PIGB: variants seen among roughly 807,000 people sequenced by gnomAD.
PIGB encodes the protein phosphatidylinositol glycan anchor biosynthesis class B, also known as GPI alpha-1,2-mannosyltransferase 3.
In PIGB, 58 loss-of-function variants were observed where a neutral mutation model predicts 68.4. The ratio of observed to expected loss-of-function variants is 0.85; its 90% confidence interval spans 0.69 to 1.06. The LOEUF (loss-of-function observed/expected upper bound fraction) is 1.06. PIGB is among the 50% of genes least tolerant of loss of function. The probability of loss-of-function intolerance (pLI) is 0.00; values close to 1 mark genes in which losing one functional copy is unlikely to be tolerated. For synonymous variants in PIGB, 219 were observed against 220.5 expected, an observed-to-expected ratio of 0.99 and a Z score of 0.06; for missense variants, 634 against 655.8, an observed-to-expected ratio of 0.97 and a Z score of 0.36.
At chr15:55,345,478 C>T (rs937642013) in intron 9 of PIGB, among the ~76,000 whole-genome samples, 3 of 152,118 alleles carry the variant, frequency 2.0e-5, no homozygotes. Flanking sequence ...TTCTTCCTGG[C>T]CAGCTGCCAG....
At chr15:55,331,191 G>A (rs1488349082) in intron 5 of PIGB, among the ~76,000 whole-genome samples, 3 of 152,052 alleles carry the variant, frequency 2.0e-5, no homozygotes, top group African/African-American at 7.2e-5. Flanking sequence ...TGAGAGAATC[G>A]AATTAGGTCC....
rs562468301 is a variant in PIGB at position 55,321,972 on chromosome 15, C to G, written c.417+582C>G. 1.5e-3 allele frequency among the ~76,000 whole-genome samples: 218 copies of G among 148,126 alleles called. 1 individual carries two copies. The highest frequency in any genetic ancestry group is 5.2e-3 in the African/African-American group (211 of 40,558). Reference sequence around the variant, plus strand: ...GGCGGATCACCTGAGGTTGGGAGTTCGAGACCAGCCTGACCAACACAGAGA... The same window carrying G: ...GGCGGATCACCTGAGGTTGGGAGTTGGAGACCAGCCTGACCAACACAGAGA... On this transcript the variant is annotated intron_variant, in intron 3 of 11. Coordinates refer to ENST00000164305, the MANE Select transcript of PIGB (RefSeq NM_004855.5).
At chr15:55,344,739 A>G (rs2055750347) in intron 9 of PIGB, among the ~76,000 whole-genome samples, 1 of 152,164 alleles carries the variant, frequency 6.6e-6, no homozygotes. Context: ...AGCAACACTA[A>G]TTAAATTCTT....
Position 55,320,370 on chromosome 15 carries a change from T to A in PIGB, c.259T>A (p.Tyr87Asn), listed in dbSNP as rs778276543. ...LVQTSFVPDE[Y>N]WQSLEVSHHM... ...GCAGACAAGTTTTGTTCCAGATGAA[T>A]ACTGGCAGTCTCTTGAAGTTTCACA... is the stretch of plus-strand genomic sequence containing the variant. Residue 87 changes from tyrosine (Y) to asparagine (N), a missense_variant, in exon 2 of 12, where the codon TAC (tyrosine) becomes AAC (asparagine). By Grantham distance (143) the Tyr-to-Asn change is moderately radical (BLOSUM62 -2). Coordinates refer to ENST00000164305, the MANE Select transcript of PIGB (RefSeq NM_004855.5). The A allele has an allele frequency of 6.2e-7, 1 of 1,613,690 alleles. No homozygotes were observed. The highest frequency in any genetic ancestry group is 8.5e-7 in the Non-Finnish European group (1 of 1,179,654).
At chr15:55,346,174 A>C (rs1027275963) in intron 9 of PIGB, among the ~76,000 whole-genome samples, 3 of 152,238 alleles carry the variant, frequency 2.0e-5, no homozygotes, top group Admixed American at 1.3e-4. Flanking sequence ...TAAAGTGTGT[A>C]TATCAAGCTA....
intron 5 of PIGB, among the ~76,000 whole-genome samples, chr15:55,330,499 G>A (rs576807300): frequency 3.6e-4 from 55 of 152,214 alleles, no homozygotes; most frequent in African/African-American, 1.2e-3. Flanking sequence ...TGAAGGCATA[G>A]AACTGTAAAT....
intron 4 of PIGB, 78 bp downstream of exon 4, chr15:55,327,713 C>T (rs943885576): frequency 7.4e-6 from 6 of 808,182 alleles, no homozygotes; most frequent in Non-Finnish European, 1.0e-5. Flanking sequence ...AACATTGATT[C>T]CCAAAACAAT....
intron 3 of PIGB, 74 bp downstream of exon 3, chr15:55,321,464 G>A (rs1319324899): frequency 1.6e-6 from 2 of 1,272,106 alleles, no homozygotes; most frequent in Admixed American, 2.4e-5. Flanking sequence ...TGTTGCTGAA[G>A]TCCAGCCATA....
intron 9 of PIGB, among the ~76,000 whole-genome samples, chr15:55,347,292 G>A (rs985404161): frequency 4.6e-5 from 7 of 152,264 alleles, no homozygotes; most frequent in East Asian, 3.9e-4. Context: ...CGGGCATGGC[G>A]GCAGGCACCT....
intron 6 of PIGB, among the ~76,000 whole-genome samples, chr15:55,335,887 C>T (rs1428203730): frequency 6.6e-6 from 1 of 152,104 alleles, no homozygotes; most frequent in Non-Finnish European, 1.5e-5. Flanking sequence ...TCGGCTTTAC[C>T]ACTGAGGGAG....
intron 9 of PIGB, chr15:55,343,511 T>TC (rs1433928097): frequency 2.0e-5 from 3 of 152,254 alleles, no homozygotes; most frequent in African/African-American, 7.2e-5. Flanking sequence ...ACCAGATTTT[T>TC]CCAGCATTCC....
At chr15:55,338,168 T>C (rs1260516822) in intron 6 of PIGB, among the ~76,000 whole-genome samples, 3 of 152,188 alleles carry the variant, frequency 2.0e-5, no homozygotes, top group African/African-American at 7.2e-5. Flanking sequence ...TCATAGCGTA[T>C]TTTTCTGTAT....
At position 55,354,982 on chromosome 15, in the gene PIGB, A is replaced by T. The variant is rs749853294; in HGVS notation, c.1518+4A>T. On this transcript the variant is annotated splice_donor_region_variant and intron_variant, in intron 11 of 11. Coordinates refer to ENST00000164305, the MANE Select transcript of PIGB (RefSeq NM_004855.5). ...CACCTTCAGCATTTTGGAAGAGGTA[A>T]GTAAACATGAAAAAGAGGAAAACTC... 6.2e-7 allele frequency: 1 copy of T among 1,603,100 alleles called. No individual in the cohort carries two copies. Among genetic ancestry groups the T allele is most frequent in the Non-Finnish European group, 8.5e-7 (1 of 1,175,058 alleles).
intron 5 of PIGB, among the ~76,000 whole-genome samples, chr15:55,330,347 G>C (rs552218036): frequency 1.3e-5 from 2 of 152,350 alleles, no homozygotes; most frequent in South Asian, 4.1e-4. Flanking sequence ...CACTGATGCT[G>C]TCCATTCAGG....
chr15:55,327,448 G>C, intron 3 of PIGB, 83 bp from the exon 4 acceptor site: 1 of 850,692 alleles, frequency 1.2e-6, no homozygotes, highest in Non-Finnish European at 1.9e-6. Flanking sequence ...TAGATAGTTG[G>C]ATCAGCTTGT....
At chr15:55,342,464 C>T (rs1477373725) in intron 9 of PIGB, among the ~76,000 whole-genome samples, 1 of 152,186 alleles carries the variant, frequency 6.6e-6, no homozygotes, top group Non-Finnish European at 1.5e-5. Flanking sequence ...GATCTTGGCT[C>T]ACTGCAACCT....
At chr15:55,328,637 CA>C (rs1192961117) in intron 4 of PIGB, among the ~76,000 whole-genome samples, 1 of 152,128 alleles carries the variant, frequency 6.6e-6, no homozygotes, top group East Asian at 1.9e-4. Context: ...AAATGGTAGG[CA>C]AAAGTCATGA....
intron 9 of PIGB, chr15:55,350,153 T>A (rs1177927912): frequency 6.6e-6 from 1 of 152,108 alleles, no homozygotes; most frequent in Non-Finnish European, 1.5e-5. Context: ...GGAAAAAAAA[T>A]GTAAGACATA....
chr15:55,324,484 C>T (rs2055235355), intron 3 of PIGB, among the ~76,000 whole-genome samples: 1 of 152,198 alleles, frequency 6.6e-6, no homozygotes, highest in Non-Finnish European at 1.5e-5. Flanking sequence ...AAGATTTCTA[C>T]TTAACCACCC....
Sources: gnomAD v4.1 joint callset for allele counts (sites outside exome capture counted in the v4.1 genomes callset) on GRCh38, gnomAD v4.1.1 for gene constraint, MANE v1.5 for transcripts, NCBI Gene and HGNC (gene_info 2026-07-23, HGNC 2026-07-21) for gene names.